Variants in MECOM observed in about 807,000 individuals in gnomAD.
MECOM encodes MDS1 and EVI1 complex locus.
In MECOM, 13 loss-of-function variants were observed where a neutral mutation model predicts 116.3. The observed-to-expected ratio is 0.11, with a 90% confidence interval of 0.07 to 0.18. The LOEUF (loss-of-function observed/expected upper bound fraction) is 0.18. Ranked by LOEUF, MECOM falls within the 10% of genes least tolerant of loss-of-function variation. The probability of loss-of-function intolerance (pLI) is 1.00; values close to 1 mark genes in which losing one functional copy is unlikely to be tolerated. For synonymous variants in MECOM, 528 were observed against 535.2 expected (o/e 0.99, Z 0.19); for missense variants, 1,299 against 1,509.0 (o/e 0.86, Z 2.31).
intron 2 of MECOM, among the ~76,000 whole-genome samples, chr3:169,177,527 C>T (rs1425890871): frequency 6.6e-6 from 1 of 152,106 alleles, no homozygotes; most frequent in Non-Finnish European, 1.5e-5. Flanking sequence ...AGCAAACCAT[C>T]ATGGCACACA....
rs182535823 is a variant in MECOM at position 169,264,126 on chromosome 3, A to G, written c.375+117061T>C. On this transcript the variant is annotated intron_variant, in intron 2 of 16. Coordinates refer to ENST00000651503, the MANE Select transcript of MECOM (RefSeq NM_004991.4). The stretch of plus-strand genomic sequence containing the variant: ...CCTGAAATCTAAGTGGACTCTGCCA[A>G]ATGTTATGACATACTACTTAACTTC... Among the ~76,000 whole-genome samples the G allele has an allele frequency of 9.8e-5, 15 of 152,332 alleles. No individual in the cohort carries two copies. In the East Asian group the frequency reaches 2.1e-3, roughly 22 times the overall value.
chr3:169,637,489 A>G (rs1772947018), intron 1 of MECOM, among the ~76,000 whole-genome samples: 1 of 152,220 alleles, frequency 6.6e-6, no homozygotes, highest in Non-Finnish European at 1.5e-5. Context: ...CTGGGGTCCC[A>G]GGAACTTACA....
intron 2 of MECOM, among the ~76,000 whole-genome samples, chr3:169,334,224 C>G (rs1278557268): frequency 6.6e-6 from 1 of 151,956 alleles, no homozygotes; most frequent in Non-Finnish European, 1.5e-5. Context: ...CTTTAAACAC[C>G]AATATCATTG....
intron 2 of MECOM, among the ~76,000 whole-genome samples, chr3:169,309,615 A>G (rs1356151528): frequency 6.6e-6 from 1 of 152,186 alleles, no homozygotes; most frequent in Non-Finnish European, 1.5e-5. Flanking sequence ...AAATGGCTTT[A>G]TTTCCATATC....
Position 169,084,783 on chromosome 3 carries a change from C to T in MECOM, c.*126G>A. ...TTTTAAATCATTCAGTTTAAGGTCA[C>T]TAGACTTTAGATGAGTGACCCTGCA... On this transcript the variant is annotated 3_prime_UTR_variant, in exon 17 of 17. Coordinates refer to ENST00000651503, the MANE Select transcript of MECOM (RefSeq NM_004991.4). 3 of 1,001,162 alleles carry T rather than the reference C, an allele frequency of 3.0e-6. No homozygotes were observed. Among genetic ancestry groups the T allele is most frequent in the Non-Finnish European group, 4.4e-6 (3 of 674,684 alleles). 62.0% of individuals were successfully genotyped at this position (1,001,162 alleles called of 1,614,324 possible).
Position 169,462,818 on chromosome 3 carries a change from G to A in MECOM, c.38-81294C>T, listed in dbSNP as rs1424576607. ...TATAGTCTATATTCTAGGATTTACAGAATAATTATTTTGAAAATTTCTTAA... is the reference window on the plus strand; with the variant it reads ...TATAGTCTATATTCTAGGATTTACAAAATAATTATTTTGAAAATTTCTTAA... On this transcript the variant is annotated intron_variant, in intron 1 of 16. Transcript: ENST00000651503. Among the ~76,000 whole-genome samples, 5 of 152,096 alleles carry A rather than the reference G, an allele frequency of 3.3e-5. No individual in the cohort carries two copies. In the East Asian group the frequency reaches 9.6e-4, roughly 29 times the overall value.
chr3:169,631,201 A>G (rs1355649959), intron 1 of MECOM, among the ~76,000 whole-genome samples: 1 of 152,236 alleles, frequency 6.6e-6, no homozygotes, highest in African/African-American at 2.4e-5. Flanking sequence ...AACTTCACTC[A>G]TCCCAGTACT....
chr3:169,520,586 G>T (rs1440730471), intron 1 of MECOM, among the ~76,000 whole-genome samples: 1 of 152,070 alleles, frequency 6.6e-6, no homozygotes, highest in Non-Finnish European at 1.5e-5. Context: ...CAGAAGCTCT[G>T]GTACACCTTG....
chr3:169,517,179 A>C (rs559195862), intron 1 of MECOM, among the ~76,000 whole-genome samples: 27 of 152,356 alleles, frequency 1.8e-4, no homozygotes, highest in Non-Finnish European at 3.7e-4. Flanking sequence ...AGGGAGACCA[A>C]GAAGTGGATG....
intron 1 of MECOM, among the ~76,000 whole-genome samples, chr3:169,428,844 C>T (rs1322006374): frequency 2.0e-5 from 3 of 151,984 alleles, no homozygotes; most frequent in African/African-American, 2.4e-5. Flanking sequence ...GGGTTTTCAC[C>T]CTGACATCAC....
chr3:169,122,991 C>A (rs1731543991), intron 5 of MECOM, among the ~76,000 whole-genome samples: 1 of 151,930 alleles, frequency 6.6e-6, no homozygotes, highest in Admixed American at 6.6e-5. Context: ...GGATTATCTG[C>A]CAATTTAAAA....
At position 169,588,855 on chromosome 3, in the gene MECOM, G is replaced by GT. The variant is rs199752062; in HGVS notation, c.37+74480dup. Among the ~76,000 whole-genome samples, 508 of 151,262 alleles carry GT rather than the reference G, an allele frequency of 3.4e-3. 2 individuals are homozygous for GT. Among genetic ancestry groups the GT allele is most frequent in the Non-Finnish European group, 3.9e-3 (267 of 67,712 alleles). On this transcript the variant is annotated intron_variant, in intron 1 of 16. Transcript: ENST00000651503. ...TCTTTGATATATATGTATGAATTGG[G>GT]TTTTTTTTTAATTTAAAAGCACTGG...
intron 1 of MECOM, among the ~76,000 whole-genome samples, chr3:169,466,877 C>A (rs1345584091): frequency 6.6e-6 from 1 of 152,198 alleles, no homozygotes; most frequent in Non-Finnish European, 1.5e-5. Flanking sequence ...TAAACACTTA[C>A]TTAGGTGAAC....
intron 1 of MECOM, among the ~76,000 whole-genome samples, chr3:169,418,268 A>AC (rs914089202): frequency 1.3e-5 from 2 of 152,168 alleles, no homozygotes; most frequent in African/African-American, 4.8e-5. Context: ...TAGGCTACCA[A>AC]CCAAAAAAAG....
In MECOM at chr3:169,146,044, G is replaced by A. The variant is rs531042822; in HGVS notation, c.376-2212C>T. ...TTTGTCTCCCAAATGTCTTAATCGT[G>A]TCGGAAATCTCGAATAAAATAAAGT... On this transcript the variant is annotated intron_variant, in intron 2 of 16. Coordinates refer to ENST00000651503, the MANE Select transcript of MECOM (RefSeq NM_004991.4). 9 of 239,890 alleles carry A rather than the reference G, an allele frequency of 3.8e-5. No individual in the cohort carries two copies. In the South Asian group the frequency reaches 1.4e-3, roughly 38 times the overall value. The allele number at this position is 239,890 out of a possible 1,614,324, so 14.9% of individuals were successfully genotyped here. A position where few individuals can be genotyped will look rare whatever the true frequency, so the allele number is the denominator to read the frequency against.
At chr3:169,434,405 A>G (rs887311178) in intron 1 of MECOM, among the ~76,000 whole-genome samples, 3 of 149,576 alleles carry the variant, frequency 2.0e-5, no homozygotes, top group Non-Finnish European at 3.0e-5. Flanking sequence ...GTAGATAAGC[A>G]CAGTGGAGAG....
chr3:169,625,124 C>G (rs1012383526), intron 1 of MECOM, among the ~76,000 whole-genome samples: 1 of 151,666 alleles, frequency 6.6e-6, no homozygotes. Context: ...CTGTGATGAA[C>G]GAAAACCCTC....
intron 1 of MECOM, among the ~76,000 whole-genome samples, chr3:169,541,543 G>A (rs367587688): frequency 3.9e-5 from 6 of 152,196 alleles, no homozygotes; most frequent in Admixed American, 3.9e-4. Context: ...CGCATGGCTC[G>A]AATGTGCTCC....
At position 169,174,620 on chromosome 3, in the gene MECOM, G is replaced by C. The variant is rs114264994; in HGVS notation, c.376-30788C>G. On this transcript the variant is annotated intron_variant, in intron 2 of 16. Coordinates refer to ENST00000651503, the MANE Select transcript of MECOM (RefSeq NM_004991.4). ...ATTTTATCCATATCAGGTTAATGCAGGGATTTTATTGCTAAATCATGATTT... is the reference window on the plus strand; with the variant it reads ...ATTTTATCCATATCAGGTTAATGCACGGATTTTATTGCTAAATCATGATTT... Among the ~76,000 whole-genome samples the C allele has an allele frequency of 8.0e-3, 1,220 of 152,206 alleles. 8 individuals carry two copies. The highest frequency in any genetic ancestry group is 0.021 in the South Asian group (101 of 4,816).
Sources: gnomAD v4.1 joint callset for allele counts (sites outside exome capture counted in the v4.1 genomes callset) on GRCh38, gnomAD v4.1.1 for gene constraint, MANE v1.5 for transcripts, NCBI Gene and HGNC (gene_info 2026-07-23, HGNC 2026-07-21) for gene names.